Variants in MAP2K5 observed in about 807,000 individuals in gnomAD.
MAP2K5 encodes the protein mitogen-activated protein kinase kinase 5.
Under a neutral mutation model 83.1 loss-of-function variants are expected in MAP2K5, and 49 were observed. That is an observed-to-expected ratio of 0.59 (90% CI 0.47 to 0.75). The LOEUF is 0.75. Among genes scored for constraint, MAP2K5 ranks in the 30% least tolerant of loss-of-function variants. The pLI is 0.00. For synonymous variants in MAP2K5, 202 were observed against 191.8 expected (o/e 1.05, Z -0.44); for missense variants, 457 against 557.5 (o/e 0.82, Z 1.82).
In MAP2K5 at chr15:67,573,769, A is replaced by C. The variant is rs2084996689; in HGVS notation, c.253-6985A>C. The stretch of plus-strand genomic sequence containing the variant: ...GTCCTGATATCTTAAGAACAAAAGC[A>C]TTCTGAGTTTTGCTTTAAAGATAAT... On this transcript the variant is annotated intron_variant, in intron 3 of 21. Transcript: ENST00000178640. This position sits in a 1 kb window ranked among gnomAD's most constrained non-coding sequence, Gnocchi z 4.2. 6.6e-6 allele frequency among the ~76,000 whole-genome samples: 1 copy of C among 152,190 alleles called. No homozygotes were observed. Among genetic ancestry groups the C allele is most frequent in the Non-Finnish European group, 1.5e-5 (1 of 68,032 alleles).
At chr15:67,544,167 A>C (rs2084349397) in intron 1 of MAP2K5, among the ~76,000 whole-genome samples, 1 of 152,228 alleles carries the variant, frequency 6.6e-6, no homozygotes. Context: ...TGCTGAGATT[A>C]CAGGTGTGAG....
chr15:67,703,788 A>G (rs1356234475), intron 16 of MAP2K5, among the ~76,000 whole-genome samples: 4 of 152,180 alleles, frequency 2.6e-5, no homozygotes, highest in Admixed American at 2.6e-4. Flanking sequence ...CTCCAGAAAA[A>G]TTCTGTGCCC....
At chr15:67,658,960 C>T (rs1008863759) in intron 12 of MAP2K5, 3 of 371,266 alleles carry the variant, frequency 8.1e-6, no homozygotes, top group Non-Finnish European at 1.0e-5. Context: ...TTAGCAAATA[C>T]TTAAAAAGTC....
rs557052145 is a variant in MAP2K5 at position 67,786,944 on chromosome 15, C to T, written c.1242+14192C>T. On this transcript the variant is annotated intron_variant, in intron 21 of 21. Coordinates refer to ENST00000178640, the MANE Select transcript of MAP2K5 (RefSeq NM_145160.3). The surrounding 1 kb of genome is among the most constrained non-coding windows in gnomAD (Gnocchi z 4.7). ...GAGAGAAAATGGCACAGGCTGAGACCGGAGGGAACAAGGACAGTGAAGAAC... is the reference window on the plus strand; with the variant it reads ...GAGAGAAAATGGCACAGGCTGAGACTGGAGGGAACAAGGACAGTGAAGAAC... 2.8e-4 allele frequency among the ~76,000 whole-genome samples: 43 copies of T among 152,104 alleles called. 1 individual carries two copies. Among genetic ancestry groups the T allele is most frequent in the Middle Eastern group, 6.8e-3 (2 of 292 alleles).
Position 67,600,707 on chromosome 15 carries a change from A to G in MAP2K5, c.503A>G (p.Tyr168Cys). Residue 168 changes from tyrosine to cysteine, a missense_variant, in exon 8 of 22, where the codon TAT becomes TGT. This residue lies in a region of MAP2K5 where 234 missense variants were observed against 243.6 expected (regional missense o/e 0.96). Coordinates refer to ENST00000178640, the MANE Select transcript of MAP2K5 (RefSeq NM_145160.3). ...GAGATGAATGAACAAGACATACGATATCGGGACACTCTTGGTCATGGCAAC... is the reference window on the plus strand; with the variant it reads ...GAGATGAATGAACAAGACATACGATGTCGGGACACTCTTGGTCATGGCAAC... ...NGQMNEQDIR[Y>C]RDTLGHGNGG... The G allele has an allele frequency of 3.1e-6, 5 of 1,610,046 alleles. No individual in the cohort carries two copies. Among genetic ancestry groups the G allele is most frequent in the Non-Finnish European group, 4.2e-6 (5 of 1,178,852 alleles).
chr15:67,800,187 T>C (rs758371955), intron 21 of MAP2K5, among the ~76,000 whole-genome samples: 120 of 152,240 alleles, frequency 7.9e-4, no homozygotes, highest in Admixed American at 2.4e-3. Context: ...CTCCCATAAA[T>C]TATTTAACGT....
chr15:67,621,434 G>GAAAAAA (rs11449678), intron 8 of MAP2K5, among the ~76,000 whole-genome samples: 40 of 118,880 alleles, frequency 3.4e-4, no homozygotes, highest in South Asian at 5.9e-4. Context: ...ACAAAAGTTT[G>GAAAAAA]AAAAAAAAAA....
In MAP2K5 at chr15:67,552,142, T is replaced by C. The variant is rs879684063; in HGVS notation, c.184+2060T>C. On this transcript the variant is annotated intron_variant, in intron 2 of 21. Coordinates refer to ENST00000178640, the MANE Select transcript of MAP2K5 (RefSeq NM_145160.3). The surrounding 1 kb of genome is among the most constrained non-coding windows in gnomAD (Gnocchi z 4.2). The stretch of plus-strand genomic sequence containing the variant: ...TGTATGTTTCTCTATTGTTTGAACA[T>C]TTTTCAACAATCATTGCCTGTTTTT... Among the ~76,000 whole-genome samples, 5 of 152,192 alleles carry C rather than the reference T, an allele frequency of 3.3e-5. No individual in the cohort carries two copies. The highest frequency in any genetic ancestry group is 5.9e-5 in the Non-Finnish European group (4 of 68,036).
chr15:67,633,975 A>C (rs2086532307), intron 9 of MAP2K5, among the ~76,000 whole-genome samples: 2 of 152,300 alleles, frequency 1.3e-5, no homozygotes, highest in African/African-American at 4.8e-5. Flanking sequence ...TTGTGGTTCC[A>C]GAACACCCTT....
chr15:67,599,854 A>G (rs986704816), intron 7 of MAP2K5, among the ~76,000 whole-genome samples: 5 of 152,238 alleles, frequency 3.3e-5, no homozygotes, highest in Admixed American at 6.5e-5. Context: ...GACTAGTCTT[A>G]AAGTCATTTG....
intron 1 of MAP2K5, among the ~76,000 whole-genome samples, chr15:67,545,422 G>A (rs933756509): frequency 8.5e-5 from 13 of 152,178 alleles, no homozygotes; most frequent in African/African-American, 3.1e-4. Flanking sequence ...CAAGGAATTT[G>A]GGTTTAATTG....
Position 67,717,478 on chromosome 15 carries a change from A to G in MAP2K5, c.1045-10438A>G, listed in dbSNP as rs896003987. On this transcript the variant is annotated intron_variant, in intron 16 of 21. Transcript: ENST00000178640. This position sits in a 1 kb window ranked among gnomAD's most constrained non-coding sequence, Gnocchi z 4.1. ...AGGTAGAAAGAAAAGTAAAAGTGCA[A>G]TGGAAACATGTAGAACTGGGCACAT... 2.3e-4 allele frequency among the ~76,000 whole-genome samples: 35 copies of G among 152,218 alleles called. No individual in the cohort carries two copies. The highest frequency in any genetic ancestry group is 4.4e-4 in the Non-Finnish European group (30 of 68,026).
chr15:67,658,198 G>A (rs4776956), intron 11 of MAP2K5, among the ~76,000 whole-genome samples: 152,188 of 152,212 alleles, frequency 1, 76,082 homozygotes, highest in Middle Eastern at 1. Context: ...TTTGAGAAAA[G>A]CTGTTACAAA....
At chr15:67,600,801 T>A in intron 8 of MAP2K5, 52 bp downstream of exon 8, 1 of 1,356,190 alleles carries the variant, frequency 7.4e-7, no homozygotes, top group Non-Finnish European at 1.0e-6. Context: ...AAATACTGAG[T>A]ATCCAAGTTC....
At chr15:67,598,866 C>T (rs967648197) in intron 7 of MAP2K5, among the ~76,000 whole-genome samples, 2 of 152,066 alleles carry the variant, frequency 1.3e-5, no homozygotes, top group Admixed American at 6.5e-5. Flanking sequence ...AAATGTCTCT[C>T]GTAGAAATTT....
intron 21 of MAP2K5, among the ~76,000 whole-genome samples, chr15:67,798,890 G>A (rs7169977): frequency 0.035 from 5,369 of 152,290 alleles, 323 homozygotes; most frequent in African/African-American, 0.12. Flanking sequence ...GGCCAAGACA[G>A]CCGGGCACGG....
At chr15:67,585,112 CCAAA>C (rs1422699974) in intron 4 of MAP2K5, among the ~76,000 whole-genome samples, 2 of 151,770 alleles carry the variant, frequency 1.3e-5, no homozygotes, top group Non-Finnish European at 2.9e-5. Context: ...TAATTCGTCC[CCAAA>C]CAATCAATCA....
rs574248368 is a variant in MAP2K5, at chr15:67,781,428, TG to T, written c.1242+8682del. ...TTGTGGTTTCGGATACAGAGTTATTTGGGGGGCCAAATCTGCCTGCAGATAA... is the reference window on the plus strand; with the variant it reads ...TTGTGGTTTCGGATACAGAGTTATTTGGGGGCCAAATCTGCCTGCAGATAA... On this transcript the variant is annotated intron_variant, in intron 21 of 21. Coordinates refer to ENST00000178640, the MANE Select transcript of MAP2K5 (RefSeq NM_145160.3). The surrounding 1 kb of genome is among the most constrained non-coding windows in gnomAD (Gnocchi z 4.0). Among the ~76,000 whole-genome samples, 130 of 152,282 alleles carry T rather than the reference TG, an allele frequency of 8.5e-4. No homozygotes were observed. Among genetic ancestry groups the T allele is most frequent in the Admixed American group, 2.4e-3 (36 of 15,296 alleles).
intron 13 of MAP2K5, among the ~76,000 whole-genome samples, chr15:67,681,926 TA>T (rs1280232639): frequency 6.6e-6 from 1 of 152,212 alleles, no homozygotes; most frequent in Non-Finnish European, 1.5e-5. Context: ...CAAAATGACT[TA>T]CATCTGCCCT....
Sources: gnomAD v4.1 joint callset for allele counts (sites outside exome capture counted in the v4.1 genomes callset) on GRCh38, gnomAD v4.1.1 for gene constraint, gnomAD v4.1.1 regional missense constraint, Gnocchi (gnomAD v3.1) non-coding constraint, MANE v1.5 for transcripts, NCBI Gene and HGNC (gene_info 2026-07-23, HGNC 2026-07-21) for gene names.